The following FBXW11 variants were observed in gnomAD, a reference collection of about 807,000 sequenced individuals.
FBXW11 encodes the protein F-box and WD repeat domain containing 11.
A neutral mutation model predicts 77.6 loss-of-function variants in FBXW11; 19 were observed. The ratio of observed to expected loss-of-function variants is 0.24; its 90% CI spans 0.17 to 0.36. The LOEUF (loss-of-function observed/expected upper bound fraction) is 0.36. Ranked by LOEUF, FBXW11 falls within the 10% of genes least tolerant of loss-of-function variation. FBXW11 has a pLI of 1.00. For missense variants in FBXW11, 334 were observed against 704.2 expected (o/e 0.47, Z 5.95); for synonymous variants, 235 against 249.4 (o/e 0.94, Z 0.54).
intron 6 of FBXW11, among the ~76,000 whole-genome samples, chr5:171,896,447 C>T (rs1398018531): frequency 1.3e-5 from 2 of 152,140 alleles, no homozygotes; most frequent in Non-Finnish European, 2.9e-5. Flanking sequence ...CAGATCTTAA[C>T]TCATACCCTT....
At chr5:171,893,440 A>AAAAAAAAAAC (rs1759516850) in intron 6 of FBXW11, among the ~76,000 whole-genome samples, 2 of 148,234 alleles carry the variant, frequency 1.3e-5, no homozygotes, top group Admixed American at 1.3e-4. Context: ...AAAAAAAAAA[A>AAAAAAAAAAC]AAAAAAACTA....
intron 2 of FBXW11, among the ~76,000 whole-genome samples, chr5:171,946,386 C>A (rs184945592): frequency 1.8e-4 from 27 of 152,286 alleles, no homozygotes; most frequent in African/African-American, 5.5e-4. Flanking sequence ...CATTCAATGA[C>A]CCCTCTGGTA....
chr5:172,006,203 G>A lies in FBXW11; in HGVS notation c.45+255C>T, dbSNP rs575496178. On this transcript the variant is annotated intron_variant, in intron 1 of 13. Coordinates refer to ENST00000517395, the MANE Select transcript of FBXW11 (RefSeq NM_001378974.1). ...ATAAACGAGCGAGGGTCGTCCGAGA[G>A]CTGGGACCGGAGACGGGACCAGGGG... Among the ~76,000 whole-genome samples the A allele has an allele frequency of 3.5e-3, 539 of 152,364 alleles. 3 individuals are homozygous for A. The highest frequency in any genetic ancestry group is 0.013 in the African/African-American group (522 of 41,598).
At chr5:171,997,265 A>T (rs1766111213) in intron 1 of FBXW11, among the ~76,000 whole-genome samples, 1 of 152,212 alleles carries the variant, frequency 6.6e-6, no homozygotes, top group South Asian at 2.1e-4. Flanking sequence ...AAATAATGGA[A>T]CATCCCTAAT....
At chr5:171,939,683 C>T (rs1762648251) in intron 2 of FBXW11, among the ~76,000 whole-genome samples, 1 of 116,260 alleles carries the variant, frequency 8.6e-6, no homozygotes, top group African/African-American at 3.4e-5. Context: ...GGCTACACAG[C>T]AAGACCCTGT....
At chr5:171,948,448 G>C (rs557941402) in intron 2 of FBXW11, among the ~76,000 whole-genome samples, 9 of 148,638 alleles carry the variant, frequency 6.1e-5, no homozygotes, top group African/African-American at 1.7e-4. Flanking sequence ...TAAAAAAAAA[G>C]TGTTACTAGC....
At chr5:171,936,109 TAAAAAAA>T (rs61349170) in intron 2 of FBXW11, among the ~76,000 whole-genome samples, 2 of 59,356 alleles carry the variant, frequency 3.4e-5, no homozygotes, top group East Asian at 4.5e-4. Context: ...AGACTCCATC[TAAAAAAA>T]AAAAAAAAAA....
intron 1 of FBXW11, among the ~76,000 whole-genome samples, chr5:171,978,128 A>G (rs531574612): frequency 6.6e-6 from 1 of 151,864 alleles, no homozygotes; most frequent in South Asian, 2.1e-4. Context: ...ACAAATTATA[A>G]TGCTTGTTGT....
intron 1 of FBXW11, chr5:172,003,303 A>C (rs1766527944): frequency 6.6e-6 from 1 of 152,146 alleles, no homozygotes; most frequent in South Asian, 2.1e-4. Flanking sequence ...CTTTCTAGTG[A>C]TGAGTGCCTG....
At chr5:171,906,469 T>C (rs1322152324) in intron 4 of FBXW11, among the ~76,000 whole-genome samples, 2 of 152,232 alleles carry the variant, frequency 1.3e-5, no homozygotes, top group Non-Finnish European at 2.9e-5. Flanking sequence ...GACACCTATA[T>C]GATGTCAGAA....
At chr5:171,953,193 G>A (rs1258107103) in intron 2 of FBXW11, among the ~76,000 whole-genome samples, 1 of 152,076 alleles carries the variant, frequency 6.6e-6, no homozygotes, top group Non-Finnish European at 1.5e-5. Flanking sequence ...GTAGGGCCTT[G>A]CTATGTTGCG....
chr5:171,889,750 T>G (rs912044883), intron 7 of FBXW11, among the ~76,000 whole-genome samples: 8 of 152,032 alleles, frequency 5.3e-5, no homozygotes, highest in Non-Finnish European at 1.2e-4. Flanking sequence ...TAGCTGGGCA[T>G]GGTGGCTCAT....
At chr5:171,966,872 G>A (rs549345463) in intron 1 of FBXW11, among the ~76,000 whole-genome samples, 58 of 152,192 alleles carry the variant, frequency 3.8e-4, no homozygotes, top group African/African-American at 1.3e-3. Context: ...TGGCTATACC[G>A]TACTCATTAA....
chr5:171,865,061 G>A (rs1231804607), intron 13 of FBXW11, among the ~76,000 whole-genome samples: 1 of 151,030 alleles, frequency 6.6e-6, no homozygotes, highest in Non-Finnish European at 1.5e-5. Context: ...CAAAGATCAA[G>A]AATCTTAAGT....
intron 6 of FBXW11, among the ~76,000 whole-genome samples, chr5:171,895,390 G>A (rs149156643): frequency 6.6e-6 from 1 of 152,204 alleles, no homozygotes; most frequent in Non-Finnish European, 1.5e-5. Context: ...GGCAAGTTTT[G>A]ACATTTTCTG....
chr5:171,878,687 G>A (rs898593704), intron 7 of FBXW11, among the ~76,000 whole-genome samples: 7 of 151,572 alleles, frequency 4.6e-5, no homozygotes, highest in Non-Finnish European at 8.8e-5. Context: ...CTACTCAGGA[G>A]GCTGAGGTGA....
chr5:171,894,338 C>T (rs1009394303), intron 6 of FBXW11, among the ~76,000 whole-genome samples: 9 of 152,198 alleles, frequency 5.9e-5, no homozygotes, highest in African/African-American at 1.9e-4. Flanking sequence ...CTTCTCAACA[C>T]TTATAAAAAG....
chr5:171,907,904 T>G (rs1051064597), intron 4 of FBXW11, among the ~76,000 whole-genome samples: 17 of 152,204 alleles, frequency 1.1e-4, no homozygotes, highest in African/African-American at 4.1e-4. Flanking sequence ...CAAGAGAACT[T>G]CAACAGTGCC....
At chr5:172,001,963 A>C (rs567437884) in intron 1 of FBXW11, among the ~76,000 whole-genome samples, 1 of 152,352 alleles carries the variant, frequency 6.6e-6, no homozygotes, top group East Asian at 1.9e-4. Context: ...ATGTGCTAGA[A>C]TATACAGTAA....
Sources: allele counts gnomAD v4.1 joint callset (sites outside exome capture counted in the v4.1 genomes callset), GRCh38; gene constraint gnomAD v4.1.1; transcripts MANE v1.5; gene names NCBI Gene and HGNC (gene_info 2026-07-23, HGNC 2026-07-21).